Variants in FREM3 observed in about 807,000 individuals in gnomAD.
FREM3 encodes the protein FRAS1-related extracellular matrix protein 3.
In FREM3, 105 loss-of-function variants were observed where a neutral mutation model predicts 129.1. That is an observed-to-expected ratio of 0.81 (90% CI 0.69 to 0.96). The LOEUF is 0.96. Among genes scored for constraint, FREM3 ranks in the 40% least tolerant of loss-of-function variants. FREM3 has a pLI of 0.00. For missense variants in FREM3, 2,593 were observed against 2,666.3 expected, an observed-to-expected ratio of 0.97 and a Z score of 0.61; for synonymous variants, 1,014 against 1,044.9, an observed-to-expected ratio of 0.97 and a Z score of 0.57.
At chr4:143,681,976 C>T (rs1226111722) in intron 2 of FREM3, among the ~76,000 whole-genome samples, 1 of 152,002 alleles carries the variant, frequency 6.6e-6, no homozygotes, top group Non-Finnish European at 1.5e-5. Flanking sequence ...TTGGATGTCG[C>T]ATAAATATAA....
chr4:143,679,616 C>T (rs1740215143), intron 2 of FREM3, among the ~76,000 whole-genome samples: 1 of 152,174 alleles, frequency 6.6e-6, no homozygotes, highest in South Asian at 2.1e-4. Flanking sequence ...AGGATCTGCA[C>T]ATCCAGCCCT....
At chr4:143,642,986 T>TA (rs1388519332) in intron 2 of FREM3, among the ~76,000 whole-genome samples, 1 of 152,120 alleles carries the variant, frequency 6.6e-6, no homozygotes, top group Non-Finnish European at 1.5e-5. Context: ...CAAAAGAAGA[T>TA]ATACAAATGG....
chr4:143,628,624 T>A (rs1239461356), intron 2 of FREM3, among the ~76,000 whole-genome samples: 1 of 152,224 alleles, frequency 6.6e-6, no homozygotes, highest in East Asian at 1.9e-4. Context: ...GACCCCTTAA[T>A]GAGATCAAGC....
At chr4:143,675,733 C>T (rs1286308525) in intron 2 of FREM3, among the ~76,000 whole-genome samples, 1 of 152,168 alleles carries the variant, frequency 6.6e-6, no homozygotes, top group East Asian at 1.9e-4. Flanking sequence ...CACAGAAATA[C>T]AAACTACCAT....
chr4:143,609,117 T>C (rs1738713838), intron 6 of FREM3, among the ~76,000 whole-genome samples: 2 of 152,148 alleles, frequency 1.3e-5, no homozygotes, highest in Admixed American at 6.5e-5. Flanking sequence ...GAGCCACAGA[T>C]AGCTTGACCT....
chr4:143,663,940 T>A (rs1394575721), intron 2 of FREM3, among the ~76,000 whole-genome samples: 1 of 152,144 alleles, frequency 6.6e-6, no homozygotes, highest in Non-Finnish European at 1.5e-5. Flanking sequence ...CTCCATCAGC[T>A]CCTTTAAGCA....
chr4:143,662,938 A>G (rs536545540), intron 2 of FREM3, among the ~76,000 whole-genome samples: 1 of 152,200 alleles, frequency 6.6e-6, no homozygotes, highest in South Asian at 2.1e-4. Context: ...TTTGCTTGGT[A>G]GATCTTCCTC....
intron 6 of FREM3, among the ~76,000 whole-genome samples, chr4:143,597,732 A>G (rs1738507977): frequency 6.6e-6 from 1 of 152,220 alleles, no homozygotes; most frequent in Non-Finnish European, 1.5e-5. Flanking sequence ...AGACTTGTAC[A>G]CTGCACTGAA....
Position 143,695,845 on chromosome 4 carries a change from C to A in FREM3, c.4831G>T (p.Asp1611Tyr). The change falls in exon 1 of 8, where the codon GAC becomes TAC. Residue 1611 changes from aspartate to tyrosine, a missense_variant. This residue lies in a region of FREM3 where 2,276 missense variants were observed against 2,267.2 expected (regional missense o/e 1.00). Coordinates refer to ENST00000329798, the MANE Select transcript of FREM3 (RefSeq NM_001168235.2). The part of the protein sequence containing the change: ...LNKNLISYKH[D>Y]GSETTEDSFS... The stretch of plus-strand genomic sequence containing the variant: ...CTATCTTCAGTGGTCTCACTGCCGT[C>A]ATGCTTGTAGCTAATCAGGTTCTTG... The A allele has an allele frequency of 6.5e-7, 1 of 1,537,412 alleles. No individual in the cohort carries two copies. The highest frequency in any genetic ancestry group is 1.2e-5 in the South Asian group (1 of 84,062).
chr4:143,597,237 G>A (rs1354517574), intron 6 of FREM3, among the ~76,000 whole-genome samples: 1 of 152,196 alleles, frequency 6.6e-6, no homozygotes, highest in African/African-American at 2.4e-5. Context: ...AGAATCTTGA[G>A]AAGAATGAGT....
chr4:143,700,626 A>G lies in FREM3; in HGVS notation c.50T>C (p.Val17Ala), dbSNP rs55935372. The G allele has an allele frequency of 0.3, 440,378 of 1,445,078 alleles. 71,407 individuals carry two copies. The highest frequency in any genetic ancestry group is 0.37 in the Middle Eastern group (1,776 of 4,834). 89.5% of individuals were successfully genotyped at this position (1,445,078 alleles called of 1,614,324 possible). Reference protein sequence around the residue: ...HPTGTPRQLLVALACLLLSRP... With the variant: ...HPTGTPRQLLAALACLLLSRP... ...ACTCAAGAGCAGGCAGGCGAGCGCC[A>G]CAAGGAGCTGCCGGGGCGTCCCAGT... The change falls in exon 1 of 8, where the codon GTG (valine) becomes GCG (alanine). Residue 17 changes from valine to alanine, a missense_variant. By Grantham distance (64) the Val-to-Ala change is moderately conservative. Transcript: ENST00000329798.
intron 6 of FREM3, among the ~76,000 whole-genome samples, chr4:143,592,436 G>A (rs185790970): frequency 1.8e-3 from 267 of 152,244 alleles, no homozygotes; most frequent in Admixed American, 0.016. Flanking sequence ...GACAGGCCTC[G>A]TGGTGACAAA....
intron 2 of FREM3, among the ~76,000 whole-genome samples, chr4:143,680,776 A>G (rs1048457547): frequency 1.3e-5 from 2 of 152,130 alleles, no homozygotes; most frequent in African/African-American, 4.8e-5. Context: ...ATGTATTCTA[A>G]AGAGTTTAAT....
rs535454235 is a variant in FREM3, at chr4:143,675,306, A to G, written c.5275+17807T>C. 2.7e-4 allele frequency among the ~76,000 whole-genome samples: 41 copies of G among 152,288 alleles called. No individual in the cohort carries two copies. The South Asian group carries it at 8.3e-3, about 31-fold the overall frequency. The stretch of plus-strand genomic sequence containing the variant: ...TGAATGACTACTGGGTACATAACGA[A>G]ATGAAAGCAGAAATAAAGATGTTCT... On this transcript the variant is annotated intron_variant, in intron 2 of 7. Transcript: ENST00000329798.
chr4:143,638,287 A>G (rs550267902), intron 2 of FREM3, among the ~76,000 whole-genome samples: 1 of 152,256 alleles, frequency 6.6e-6, no homozygotes, highest in South Asian at 2.1e-4. Context: ...AAAAACGATT[A>G]TATTAGCAGA....
chr4:143,607,185 A>C (rs1156715467), intron 6 of FREM3, among the ~76,000 whole-genome samples: 1 of 152,154 alleles, frequency 6.6e-6, no homozygotes, highest in Non-Finnish European at 1.5e-5. Context: ...CTAATTCGCA[A>C]TCCCATTGAA....
intron 2 of FREM3, among the ~76,000 whole-genome samples, chr4:143,677,503 A>T (rs1388423211): frequency 1.3e-5 from 2 of 152,244 alleles, no homozygotes; most frequent in Non-Finnish European, 2.9e-5. Flanking sequence ...CATGTCTGAA[A>T]CACCAAAAGC....
intron 2 of FREM3, among the ~76,000 whole-genome samples, chr4:143,637,791 G>C (rs1739258221): frequency 1.3e-5 from 2 of 152,176 alleles, no homozygotes; most frequent in Admixed American, 1.3e-4. Context: ...TTTCCTAGTT[G>C]TATTCTCCTA....
intron 2 of FREM3, among the ~76,000 whole-genome samples, chr4:143,688,334 T>A (rs1209934562): frequency 1.3e-5 from 2 of 152,102 alleles, no homozygotes; most frequent in Non-Finnish European, 2.9e-5. Context: ...AAAAGACCTC[T>A]ACAAGGAAAA....
Sources: allele counts gnomAD v4.1 joint callset (sites outside exome capture counted in the v4.1 genomes callset), GRCh38; gene constraint gnomAD v4.1.1; regional missense constraint gnomAD v4.1.1; transcripts MANE v1.5; gene names NCBI Gene and HGNC (gene_info 2026-07-23, HGNC 2026-07-21).